The following TRPM8 variants were observed in gnomAD, a reference collection of about 807,000 sequenced individuals.
TRPM8 encodes the protein TRPM8 cationic channel.
A neutral mutation model predicts 133.7 loss-of-function variants in TRPM8; 110 were observed. The observed-to-expected ratio is 0.82, with a 90% CI of 0.70 to 0.96. TRPM8 has a LOEUF of 0.96. Among genes scored for constraint, TRPM8 ranks in the 40% least tolerant of loss-of-function variants. TRPM8 has a pLI of 0.00. For synonymous variants in TRPM8, 535 were observed against 532.3 expected (o/e 1.01, Z -0.07); for missense variants, 1,291 against 1,379.5 (o/e 0.94, Z 1.02).
intron 5 of TRPM8, among the ~76,000 whole-genome samples, chr2:233,941,589 A>G (rs1213365896): frequency 6.6e-6 from 1 of 152,208 alleles, no homozygotes; most frequent in Non-Finnish European, 1.5e-5. Flanking sequence ...CGCTTCTCTT[A>G]CAAGAGCTAA....
At chr2:233,942,445 A>G in intron 5 of TRPM8, 131 bp from the exon 6 acceptor site, 1 of 859,232 alleles carries the variant, frequency 1.2e-6, no homozygotes, top group Non-Finnish European at 1.9e-6. Context: ...CTTCCTTGCC[A>G]TACGACATAG....
intron 14 of TRPM8, chr2:233,966,213 G>C (rs961042772): frequency 3.0e-5 from 5 of 166,570 alleles, no homozygotes; most frequent in African/African-American, 1.2e-4. Flanking sequence ...GTTCAAATGA[G>C]ATGGAGGAAG....
Position 233,947,102 on chromosome 2 carries a change from G to C in TRPM8, c.889G>C (p.Gly297Arg), listed in dbSNP as rs755588418. 2.5e-6 allele frequency: 4 copies of C among 1,613,898 alleles called. No individual in the cohort carries two copies. The highest frequency in any genetic ancestry group is 3.4e-6 in the Non-Finnish European group (4 of 1,179,920). Residue 297 changes from glycine (G) to arginine (R), a missense_variant, in exon 8 of 26, where the codon GGC (glycine) becomes CGC (arginine). Physicochemically the swap from Gly to Arg is moderately radical, Grantham distance 125. This residue lies in a region of TRPM8 where 963 missense variants were observed against 968.9 expected (regional missense o/e 0.99). Transcript: ENST00000324695. ...ERTIQDSNYG[G>R]KIPIVCFAQG... ...ATATTTTACAGATTCCAACTATGGT[G>C]GCAAGATCCCCATTGTGTGTTTTGC...
intron 12 of TRPM8, among the ~76,000 whole-genome samples, chr2:233,961,631 T>TTTTC (rs1491322267): frequency 7.2e-3 from 74 of 10,308 alleles, no homozygotes; most frequent in African/African-American, 0.033. Flanking sequence ...TTTTCTTTTC[T>TTTTC]TTTTTTTTTT....
intron 2 of TRPM8, among the ~76,000 whole-genome samples, chr2:233,927,845 TTCC>T (rs1559516407): frequency 0.021 from 1,733 of 82,982 alleles, 254 homozygotes; most frequent in Middle Eastern, 0.031. Context: ...CCTTCCTTCC[TTCC>T]TTCCTTTCTT....
chr2:233,968,143 TG>T (rs1691621781), intron 15 of TRPM8: 1 of 152,132 alleles, frequency 6.6e-6, no homozygotes, highest in African/African-American at 2.4e-5. Context: ...TGCTCAGTGA[TG>T]GCCTGGCGTC....
Position 233,952,180 on chromosome 2 carries a change from C to T in TRPM8, c.1141-1737C>T, listed in dbSNP as rs138930470. Among the ~76,000 whole-genome samples, 33 of 152,218 alleles carry T rather than the reference C, an allele frequency of 2.2e-4. 1 individual carries two copies. Among genetic ancestry groups the T allele is most frequent in the Middle Eastern group, 6.8e-3 (2 of 294 alleles). ...TATTTGTTGAGCACATACTGCGTGC[C>T]GGGTTCTGAAATAGGCACTTCAGAA... On this transcript the variant is annotated intron_variant, in intron 9 of 25. Coordinates refer to ENST00000324695, the MANE Select transcript of TRPM8 (RefSeq NM_024080.5).
At chr2:233,927,837 TTC>T (rs1444774363) in intron 2 of TRPM8, among the ~76,000 whole-genome samples, 4 of 86,424 alleles carry the variant, frequency 4.6e-5, no homozygotes, top group African/African-American at 7.0e-5. Flanking sequence ...CCTTCCTTCC[TTC>T]CTTCCTTCCT....
intron 1 of TRPM8, among the ~76,000 whole-genome samples, chr2:233,925,231 A>G (rs547226099): frequency 1.3e-5 from 2 of 152,344 alleles, no homozygotes; most frequent in South Asian, 2.1e-4. Flanking sequence ...CATCCAATAA[A>G]TAAATATGCA....
At chr2:233,927,794 T>TCCTTCCTTCCTTC (rs1559516239) in intron 2 of TRPM8, among the ~76,000 whole-genome samples, 1 of 44,168 alleles carries the variant, frequency 2.3e-5, no homozygotes, top group African/African-American at 3.4e-4. Flanking sequence ...TTCTTTCTTT[T>TCCTTCCTTCCTTC]CTTTCCTTCC....
intron 17 of TRPM8, among the ~76,000 whole-genome samples, chr2:233,975,668 C>T (rs1477542189): frequency 6.6e-6 from 1 of 152,186 alleles, no homozygotes; most frequent in Non-Finnish European, 1.5e-5. Context: ...ATCACCTGAG[C>T]TCAGGAGTTC....
intron 24 of TRPM8, among the ~76,000 whole-genome samples, chr2:234,011,219 A>G (rs1033767678): frequency 6.6e-6 from 1 of 152,220 alleles, no homozygotes; most frequent in Non-Finnish European, 1.5e-5. Context: ...AACACCATTT[A>G]TTGAAGACTT....
chr2:233,927,838 TCCTTCCTTCCTTCCTTTCTTTC>T (rs1691576147), intron 2 of TRPM8, among the ~76,000 whole-genome samples: 1 of 86,238 alleles, frequency 1.2e-5, no homozygotes, highest in African/African-American at 6.7e-5. Context: ...CTTCCTTCCT[TCCTTCCTTCCTTCCTTTCTTTC>T]TCTTTCTTTC....
intron 12 of TRPM8, among the ~76,000 whole-genome samples, chr2:233,961,452 C>G (rs776379434): frequency 6.6e-6 from 1 of 151,810 alleles, no homozygotes; most frequent in South Asian, 2.1e-4. Flanking sequence ...ACTACAGGCA[C>G]CTGCCACCAC....
chr2:233,938,192 G>A (rs560623005), intron 4 of TRPM8, among the ~76,000 whole-genome samples: 4 of 152,188 alleles, frequency 2.6e-5, no homozygotes, highest in South Asian at 4.1e-4. Flanking sequence ...CAGCATGGCC[G>A]CTGGAGGACT....
At chr2:233,973,515 C>T (rs1046181852) in intron 17 of TRPM8, among the ~76,000 whole-genome samples, 17 of 152,204 alleles carry the variant, frequency 1.1e-4, no homozygotes, top group African/African-American at 3.4e-4. Context: ...TGGGGACATT[C>T]GTCGTACTGG....
intron 2 of TRPM8, among the ~76,000 whole-genome samples, chr2:233,927,924 T>TCTCTCTCTCTCTC (rs1691593859): frequency 3.6e-5 from 1 of 28,054 alleles, no homozygotes; most frequent in Non-Finnish European, 5.4e-5. Flanking sequence ...CTCTCTCTCT[T>TCTCTCTCTCTCTC]TCTCTCTCTC....
chr2:233,986,348 C>T (rs779127199), intron 21 of TRPM8, among the ~76,000 whole-genome samples: 1 of 152,194 alleles, frequency 6.6e-6, no homozygotes, highest in Non-Finnish European at 1.5e-5. Context: ...TCCTTTAGGG[C>T]TCATGCCTGA....
intron 22 of TRPM8, among the ~76,000 whole-genome samples, chr2:233,997,138 T>TGCC (rs960592544): frequency 2.0e-5 from 3 of 151,954 alleles, no homozygotes; most frequent in African/African-American, 7.3e-5. Context: ...TGGTGGTGTG[T>TGCC]GCCTGTAGTC....
Sources: allele counts gnomAD v4.1 joint callset (sites outside exome capture counted in the v4.1 genomes callset), GRCh38; gene constraint gnomAD v4.1.1; regional missense constraint gnomAD v4.1.1; transcripts MANE v1.5; gene names NCBI Gene and HGNC (gene_info 2026-07-23, HGNC 2026-07-21).